Variants in SMARCE1 observed in about 807,000 individuals in gnomAD.
SMARCE1 encodes SWI/SNF related BAF chromatin remodeling complex subunit E1.
In SMARCE1, 13 loss-of-function variants were observed where a neutral mutation model predicts 54.9. The ratio of observed to expected loss-of-function variants is 0.24; its 90% confidence interval spans 0.15 to 0.38. The LOEUF is 0.38. SMARCE1 is among the 10% of genes least tolerant of loss of function. SMARCE1 has a pLI of 1.00. For synonymous variants in SMARCE1, 151 were observed against 175.3 expected, an observed-to-expected ratio of 0.86 and a Z score of 1.10; for missense variants, 295 against 523.8, an observed-to-expected ratio of 0.56 and a Z score of 4.26.
chr17:40,628,039 ATCTAT>A lies in SMARCE1; in HGVS notation c.*741_*745del, dbSNP rs1412141892. ...AATATTAAATTCCTTGAGCTTTGTG[ATCTAT>A]TCTGTCTTTGGAAAACCTGGTAAAA... On this transcript the variant is annotated 3_prime_UTR_variant, in exon 11 of 11. Coordinates refer to ENST00000348513, the MANE Select transcript of SMARCE1 (RefSeq NM_003079.5). 1 of 152,612 alleles carries A rather than the reference ATCTAT, an allele frequency of 6.6e-6. No homozygotes were observed. Among genetic ancestry groups the A allele is most frequent in the Non-Finnish European group, 1.5e-5 (1 of 68,036 alleles). The allele number at this position is 152,612 out of a possible 1,614,324, so 9.5% of individuals were successfully genotyped here.
chr17:40,647,055 T>C (rs367627099), intron 1 of SMARCE1, among the ~76,000 whole-genome samples: 1 of 151,528 alleles, frequency 6.6e-6, no homozygotes, highest in Admixed American at 6.7e-5. Flanking sequence ...TTATACTTCA[T>C]TGTTAATACT....
intron 10 of SMARCE1, chr17:40,629,427 C>T (rs959254120): frequency 4.3e-6 from 3 of 698,380 alleles, no homozygotes; most frequent in Non-Finnish European, 4.0e-6. Flanking sequence ...TAAAATTTCA[C>T]GTGACTTGCA....
rs2037024945 is a variant in SMARCE1 at position 40,625,352 on chromosome 17, A to AT, written c.*3432dup. ...GGCTCCGAGTTCCTTTGAGCTTGTT[A>AT]TTGTACAGTGGATTTTTCATTTGCA... On this transcript the variant is annotated 3_prime_UTR_variant, in exon 11 of 11. Coordinates refer to ENST00000348513, the MANE Select transcript of SMARCE1 (RefSeq NM_003079.5). 6.6e-6 allele frequency: 1 copy of AT among 152,298 alleles called. No homozygotes were observed. The highest frequency in any genetic ancestry group is 2.4e-5 in the African/African-American group (1 of 41,574). The allele number at this position is 152,298 out of a possible 1,614,324, so 9.4% of individuals were successfully genotyped here. A position where few individuals can be genotyped will look rare whatever the true frequency, so the allele number is the denominator to read the frequency against.
At chr17:40,645,506 T>C in intron 3 of SMARCE1, 70 bp downstream of exon 3, 1 of 903,434 alleles carries the variant, frequency 1.1e-6, no homozygotes, top group Non-Finnish European at 1.7e-6. Flanking sequence ...TGACTGTCAC[T>C]GGAAGACATC....
rs926634145 is a variant in SMARCE1, at chr17:40,625,155, T to C, written c.*3630A>G. 4.5e-4 allele frequency: 68 copies of C among 152,372 alleles called. No homozygotes were observed. The highest frequency in any genetic ancestry group is 1.6e-3 in the African/African-American group (65 of 41,588). 9.4% of individuals were successfully genotyped at this position (152,372 alleles called of 1,614,324 possible). Reference sequence around the variant, plus strand: ...TCATTTTGTAGATGAAATTGTACACTGGCAATTTCTTATGGTTCAACCTAA... The same window carrying C: ...TCATTTTGTAGATGAAATTGTACACCGGCAATTTCTTATGGTTCAACCTAA... On this transcript the variant is annotated 3_prime_UTR_variant, in exon 11 of 11. Coordinates refer to ENST00000348513, the MANE Select transcript of SMARCE1 (RefSeq NM_003079.5).
At chr17:40,631,028 A>C (rs923208420) in intron 9 of SMARCE1, 104 bp from the exon 10 acceptor site, 1 of 811,068 alleles carries the variant, frequency 1.2e-6, no homozygotes, top group African/African-American at 1.7e-5. Context: ...CTATATATAT[A>C]TATCTATACA....
intron 4 of SMARCE1, among the ~76,000 whole-genome samples, chr17:40,640,308 A>T (rs911524561): frequency 6.6e-6 from 1 of 152,216 alleles, no homozygotes. Flanking sequence ...CTGAATGAAG[A>T]ACTGACTAGG....
Position 40,626,291 on chromosome 17 carries a change from A to C in SMARCE1, c.*2494T>G, listed in dbSNP as rs2037033798. 6.6e-6 allele frequency: 1 copy of C among 152,186 alleles called. No homozygotes were observed. Among genetic ancestry groups the C allele is most frequent in the African/African-American group, 2.4e-5 (1 of 41,434 alleles). The allele number at this position is 152,186 out of a possible 1,614,324, so 9.4% of individuals were successfully genotyped here. A position where few individuals can be genotyped will look rare whatever the true frequency, so the allele number is the denominator to read the frequency against. ...CCATTTGTTAAAAAAAATTAACAAA[A>C]TTTAGGCCCTCAGACTTTATGCATT... On this transcript the variant is annotated 3_prime_UTR_variant, in exon 11 of 11. Coordinates refer to ENST00000348513, the MANE Select transcript of SMARCE1 (RefSeq NM_003079.5).
chr17:40,646,553 ACTTATC>A (rs906657002), intron 1 of SMARCE1, among the ~76,000 whole-genome samples: 1 of 152,104 alleles, frequency 6.6e-6, no homozygotes, highest in African/African-American at 2.4e-5. Flanking sequence ...CTTTTTTTTA[ACTTATC>A]AATATGGCTA....
chr17:40,630,034 C>T, intron 10 of SMARCE1: 1 of 446,610 alleles, frequency 2.2e-6, no homozygotes, highest in Non-Finnish European at 4.0e-6. Flanking sequence ...CTCCAGGAAG[C>T]CTTTGGTTTT....
intron 3 of SMARCE1, 50 bp downstream of exon 3, chr17:40,645,525 TG>T: frequency 1.6e-6 from 2 of 1,243,926 alleles, no homozygotes; most frequent in Middle Eastern, 3.8e-4. Flanking sequence ...TCTGGGTTTT[TG>T]TATCAAGGCC....
At chr17:40,629,112 C>T (rs1283488780) in intron 10 of SMARCE1, 119 bp from the exon 11 acceptor site, 6 of 761,170 alleles carry the variant, frequency 7.9e-6, no homozygotes, top group Non-Finnish European at 1.3e-5. Context: ...TTATTAAACC[C>T]CTGAAATGAA....
At position 40,631,605 on chromosome 17, in the gene SMARCE1, T is replaced by G; in HGVS notation, c.803A>C (p.Asn268Thr). The change falls in exon 9 of 11, where the codon AAT becomes ACT. Residue 268 changes from asparagine (N) to threonine (T), a missense_variant. Physicochemically the swap from Asn to Thr is moderately conservative, Grantham distance 65. Coordinates refer to ENST00000348513, the MANE Select transcript of SMARCE1 (RefSeq NM_003079.5). ...TTAAACAGATACCCTTTTAAGTTCA[T>G]TGTTAAATGAATCTGTGCTTTCCAG... ...KFLESTDSFNNELKRLCGLKV... is the reference protein window; with the variant it reads ...KFLESTDSFNTELKRLCGLKV... 6.4e-7 allele frequency: 1 copy of G among 1,557,688 alleles called. No homozygotes were observed. Among genetic ancestry groups the G allele is most frequent in the Non-Finnish European group, 8.9e-7 (1 of 1,129,446 alleles).
At position 40,631,140 on chromosome 17, in the gene SMARCE1, A is replaced by G; in HGVS notation, c.817-216T>C. ...ACAGCAGCTCTAGCAGTTGTATAAT[A>G]TAGGATATTCCAGAGCAGCTGGTGA... On this transcript the variant is annotated intron_variant, in intron 9 of 10. Transcript: ENST00000348513. 3 of 509,720 alleles carry G rather than the reference A, an allele frequency of 5.9e-6. No homozygotes were observed. In the South Asian group the frequency reaches 9.2e-5, roughly 16 times the overall value. The allele number at this position is 509,720 out of a possible 1,614,324, so 31.6% of individuals were successfully genotyped here. A position where few individuals can be genotyped will look rare whatever the true frequency, so the allele number is the denominator to read the frequency against.
chr17:40,644,934 G>A (rs564288419), intron 3 of SMARCE1: 2 of 152,274 alleles, frequency 1.3e-5, no homozygotes, highest in South Asian at 4.1e-4. Flanking sequence ...TGTTTTGTGG[G>A]TTGGAAAATT....
chr17:40,628,789 T>C lies in SMARCE1; in HGVS notation c.1232A>G (p.Glu411Gly). ...ACACACAAAACAAGGCAACACTTATTCTTTTTTCTCATCTTCTGGTATGGG... is the reference window on the plus strand; with the variant it reads ...ACACACAAAACAAGGCAACACTTATCCTTTTTTCTCATCTTCTGGTATGGG... ...TDPIPEDEKK[E>G] The change falls in exon 11 of 11, where the codon GAA (glutamate) becomes GGA (glycine). Residue 411 changes from glutamate to glycine, a missense_variant. Glu to Gly is a moderately conservative substitution (Grantham distance 98). Transcript: ENST00000348513. 6.2e-7 allele frequency: 1 copy of C among 1,611,778 alleles called. No individual in the cohort carries two copies. The highest frequency in any genetic ancestry group is 8.5e-7 in the Non-Finnish European group (1 of 1,178,084).
rs2095392975 is a variant in SMARCE1, at chr17:40,636,189, A to C, written c.370-87T>G. 3.2e-6 allele frequency: 4 copies of C among 1,260,590 alleles called. No homozygotes were observed. In the Admixed American group the frequency reaches 8.6e-5, roughly 27 times the overall value. 78.1% of individuals were successfully genotyped at this position (1,260,590 alleles called of 1,614,324 possible). A position where few individuals can be genotyped will look rare whatever the true frequency, so the allele number is the denominator to read the frequency against. ...TGTTATCTCACTTGAATATCAAAAG[A>C]TATGATGTAAACAGGGTGTTGGGAT... is the stretch of plus-strand genomic sequence containing the variant. On this transcript the variant is annotated intron_variant, in intron 6 of 10. Coordinates refer to ENST00000348513, the MANE Select transcript of SMARCE1 (RefSeq NM_003079.5).
chr17:40,629,417 T>C (rs1597741559), intron 10 of SMARCE1: 9 of 642,652 alleles, frequency 1.4e-5, no homozygotes, highest in Non-Finnish European at 2.0e-5. Flanking sequence ...GTAGAAAATA[T>C]AAAATTTCAC....
rs2037024370 is a variant in SMARCE1, at chr17:40,625,276, A to G, written c.*3509T>C. On this transcript the variant is annotated 3_prime_UTR_variant, in exon 11 of 11. Coordinates refer to ENST00000348513, the MANE Select transcript of SMARCE1 (RefSeq NM_003079.5). ...TTTTCCTTTCCATCCTGATCAAAGAAACATTATTGCAGTAAGCCACATTAT... is the reference window on the plus strand; with the variant it reads ...TTTTCCTTTCCATCCTGATCAAAGAGACATTATTGCAGTAAGCCACATTAT... 6.6e-6 allele frequency: 1 copy of G among 152,252 alleles called. No homozygotes were observed. The highest frequency in any genetic ancestry group is 2.1e-4 in the South Asian group (1 of 4,834). 9.4% of individuals were successfully genotyped at this position (152,252 alleles called of 1,614,324 possible). A position where few individuals can be genotyped will look rare whatever the true frequency, so the allele number is the denominator to read the frequency against.
Sources: gnomAD v4.1 joint callset for allele counts (sites outside exome capture counted in the v4.1 genomes callset) on GRCh38, gnomAD v4.1.1 for gene constraint, MANE v1.5 for transcripts, NCBI Gene and HGNC (gene_info 2026-07-23, HGNC 2026-07-21) for gene names.